Variants in CALM2 observed in about 807,000 individuals in gnomAD.
CALM2 encodes calmodulin 2, also known as calmodulin-2.
In CALM2, 2 loss-of-function variants were observed where a neutral mutation model predicts 19.8. The ratio of observed to expected loss-of-function variants is 0.10; its 90% CI spans 0.04 to 0.32. The LOEUF is 0.32. CALM2 is among the 10% of genes least tolerant of loss of function. CALM2 has a pLI of 1.00. For synonymous variants in CALM2, 51 were observed against 52.1 expected (o/e 0.98, Z 0.09); for missense variants, 38 against 178.7 (o/e 0.21, Z 4.49).
At chr2:47,168,763 T>TA (rs1223619501) in intron 2 of CALM2, among the ~76,000 whole-genome samples, 2 of 134,736 alleles carry the variant, frequency 1.5e-5, no homozygotes, top group Non-Finnish European at 3.1e-5. Context: ...AGGGATCCTC[T>TA]TATATTCAAT....
At chr2:47,176,213 T>C in intron 1 of CALM2, 2 of 541,510 alleles carry the variant, frequency 3.7e-6, no homozygotes, top group Non-Finnish European at 6.6e-6. Flanking sequence ...CCTCGGGAAC[T>C]GTGCGTCCGG....
chr2:47,170,675 T>A, intron 2 of CALM2, 59 bp downstream of exon 2: 2 of 1,256,338 alleles, frequency 1.6e-6, no homozygotes, highest in South Asian at 1.2e-5. Flanking sequence ...TATTCTGACG[T>A]TGGCTATTCA....
chr2:47,169,104 G>C (rs1224616733), intron 2 of CALM2, among the ~76,000 whole-genome samples: 3 of 152,284 alleles, frequency 2.0e-5, no homozygotes, highest in Admixed American at 6.5e-5. Context: ...AGTTGTTTAA[G>C]AGAGCAGACC....
At chr2:47,161,359 A>G (rs1037640521) in intron 5 of CALM2, among the ~76,000 whole-genome samples, 1 of 152,226 alleles carries the variant, frequency 6.6e-6, no homozygotes, top group Non-Finnish European at 1.5e-5. Flanking sequence ...AAAGAAAGTC[A>G]CATTAATTTC....
At chr2:47,176,560 G>GATCCCTCCGCCGC (rs1396773504), upstream of CALM2, 2 of 1,554,962 alleles carry the variant, frequency 1.3e-6, no homozygotes, top group African/African-American at 1.4e-5. Flanking sequence ...CCCTCCGCCA[G>GATCCCTCCGCCGC]ATCCCTCCGC....
At chr2:47,175,688 C>T (rs1666836115) in intron 1 of CALM2, among the ~76,000 whole-genome samples, 1 of 151,036 alleles carries the variant, frequency 6.6e-6, no homozygotes, top group Non-Finnish European at 1.5e-5. Flanking sequence ...GCCCCCCTCC[C>T]CCGCCCATCC....
chr2:47,168,893 T>A (rs1318255371), intron 2 of CALM2, among the ~76,000 whole-genome samples: 1 of 152,088 alleles, frequency 6.6e-6, no homozygotes. Context: ...TTCTCCTGCA[T>A]CAGCCTCCTG....
intron 5 of CALM2, 96 bp downstream of exon 5, chr2:47,161,627 A>AGGGG: frequency 9.1e-7 from 1 of 1,094,674 alleles, no homozygotes; most frequent in Admixed American, 2.6e-5. Context: ...ACCTAATTTC[A>AGGGG]GGGGAAGGGT....
intron 2 of CALM2, chr2:47,163,783 G>C (rs946993459): frequency 6.6e-6 from 1 of 152,220 alleles, no homozygotes; most frequent in African/African-American, 2.4e-5. Context: ...TCCTGCTGGT[G>C]CAACACTCCA....
chr2:47,166,091 A>G (rs1486782562), intron 2 of CALM2, among the ~76,000 whole-genome samples: 1 of 152,248 alleles, frequency 6.6e-6, no homozygotes, highest in Non-Finnish European at 1.5e-5. Flanking sequence ...TGAAGATAGT[A>G]TACAGTGCTA....
chr2:47,162,231 G>C, intron 4 of CALM2, 55 bp downstream of exon 4: 1 of 667,474 alleles, frequency 1.5e-6, no homozygotes, highest in South Asian at 1.8e-5. Flanking sequence ...TTCATAATGA[G>C]TCCTGGTATC....
chr2:47,176,882 CG>C (rs939788741), upstream of CALM2: 1 of 985,232 alleles, frequency 1.0e-6, no homozygotes, highest in Admixed American at 6.1e-5. Flanking sequence ...CAGCCGCCGC[CG>C]GGACGCGGTG....
chr2:47,176,076 G>A (rs1448398417), intron 1 of CALM2, among the ~76,000 whole-genome samples: 2 of 152,122 alleles, frequency 1.3e-5, no homozygotes, highest in Non-Finnish European at 2.9e-5. Flanking sequence ...GACCTTTCCA[G>A]ACGCCCGACA....
intron 5 of CALM2, among the ~76,000 whole-genome samples, 160 bp from the exon 6 acceptor site, chr2:47,160,964 A>T (rs1687136942): frequency 6.6e-6 from 1 of 151,884 alleles, no homozygotes; most frequent in Non-Finnish European, 1.5e-5. Flanking sequence ...TTTATTGCCC[A>T]GGCTGGAACT....
At chr2:47,161,963 A>C (rs1291832024) in intron 4 of CALM2, 105 bp from the exon 5 acceptor site, 1 of 953,678 alleles carries the variant, frequency 1.0e-6, no homozygotes, top group African/African-American at 1.7e-5. Context: ...GGAAAAACAT[A>C]CTTTAGAAAT....
intron 2 of CALM2, among the ~76,000 whole-genome samples, chr2:47,164,254 AAG>A (rs750769780): frequency 4.1e-5 from 2 of 48,674 alleles, no homozygotes; most frequent in African/African-American, 9.0e-5. Flanking sequence ...AAAAAAAAAG[AAG>A]AAAAAGAAAA....
intron 1 of CALM2, chr2:47,176,115 T>G (rs1666858759): frequency 2.7e-6 from 1 of 369,078 alleles, no homozygotes; most frequent in Non-Finnish European, 4.9e-6. Flanking sequence ...CTCTCTCCCT[T>G]CCTTCACTTT....
At position 47,160,187 on chromosome 2, in the gene CALM2, T is replaced by C. The variant is rs187511042; in HGVS notation, c.*589A>G. ...CATTGGGTAAATTGTAATTTTTTTA[T>C]TGGAAAACAAATATACAACTTGGAA... is the stretch of plus-strand genomic sequence containing the variant. On this transcript the variant is annotated 3_prime_UTR_variant, in exon 6 of 6. Transcript: ENST00000272298. The C allele has an allele frequency of 5.9e-5, 9 of 152,740 alleles. No homozygotes were observed. The highest frequency in any genetic ancestry group is 1.3e-4 in the Admixed American group (2 of 15,294). The allele number at this position is 152,740 out of a possible 1,614,324, so 9.5% of individuals were successfully genotyped here. A position where few individuals can be genotyped will look rare whatever the true frequency, so the allele number is the denominator to read the frequency against.
chr2:47,169,185 G>A (rs1205808243), intron 2 of CALM2, among the ~76,000 whole-genome samples: 1 of 152,176 alleles, frequency 6.6e-6, no homozygotes, highest in Non-Finnish European at 1.5e-5. Context: ...GCATACAGTT[G>A]GTACCTGTAC....
Sources: gnomAD v4.1 joint callset for allele counts (sites outside exome capture counted in the v4.1 genomes callset) on GRCh38, gnomAD v4.1.1 for gene constraint, MANE v1.5 for transcripts, NCBI Gene and HGNC (gene_info 2026-07-23, HGNC 2026-07-21) for gene names.